The following FRMPD3 variants were observed in gnomAD, a reference collection of about 807,000 sequenced individuals.
The protein encoded by FRMPD3 is FERM and PDZ domain containing 3.
A neutral mutation model predicts 97.9 loss-of-function variants in FRMPD3; 42 were observed. The observed-to-expected ratio is 0.43, with a 90% CI of 0.34 to 0.55. FRMPD3 has a LOEUF of 0.55. FRMPD3 is among the 20% of genes least tolerant of loss of function. The pLI, the probability that FRMPD3 is intolerant of heterozygous loss-of-function variation, is 0.03. For synonymous variants in FRMPD3, 577 were observed against 581.1 expected, an observed-to-expected ratio of 0.99 and a Z score of 0.10; for missense variants, 1,303 against 1,457.7, an observed-to-expected ratio of 0.89 and a Z score of 1.73.
At chrX:107,474,975 C>T (rs776522688) in intron 1 of FRMPD3, among the ~76,000 whole-genome samples, 16 of 111,558 alleles carry the variant, frequency 1.4e-4, no homozygotes, top group African/African-American at 3.9e-4. Context: ...AAGTGGAGAA[C>T]GGGTGTATAT....
At position 107,586,734 on chromosome X, in the gene FRMPD3, T is replaced by A. The variant is rs1236882732; in HGVS notation, c.1441+10275T>A. On this transcript the variant is annotated intron_variant, in intron 13 of 14. Coordinates refer to ENST00000683843, the MANE Select transcript of FRMPD3 (RefSeq NM_001388459.1). ...CAGGAGTCACTCAGGAGCAGGTTAT[T>A]CAATTTCCATGTAATTGTGCAGTTT... is the stretch of plus-strand genomic sequence containing the variant. Among the ~76,000 whole-genome samples the A allele has an allele frequency of 1.6e-4, 18 of 112,117 alleles. No individual in the cohort carries two copies. The Admixed American group carries it at 1.7e-3, about 11-fold the overall frequency.
chrX:107,475,474 A>G (rs1263190923), intron 1 of FRMPD3, among the ~76,000 whole-genome samples: 1 of 111,437 alleles, frequency 9.0e-6, no homozygotes, highest in Non-Finnish European at 1.9e-5. Flanking sequence ...TATTATTTCC[A>G]GGTGCCTAAA....
intron 1 of FRMPD3, among the ~76,000 whole-genome samples, chrX:107,492,412 A>G (rs1415759248): frequency 9.0e-6 from 1 of 111,565 alleles, no homozygotes; most frequent in East Asian, 2.8e-4. Flanking sequence ...GCATTTCCCA[A>G]ATTGGCTTTC....
intron 1 of FRMPD3, among the ~76,000 whole-genome samples, chrX:107,469,614 A>C (rs1457799114): frequency 4.4e-5 from 5 of 112,677 alleles, no homozygotes; most frequent in South Asian, 3.7e-4. Context: ...TGGACTTCCC[A>C]TGAGTAATAT....
intron 1 of FRMPD3, among the ~76,000 whole-genome samples, chrX:107,458,228 A>G (rs142393463): frequency 0.012 from 1,303 of 112,126 alleles, 5 homozygotes; most frequent in Non-Finnish European, 0.016. Context: ...GCCCTGTACT[A>G]ATGTTATGGT....
chrX:107,459,277 T>C (rs1441729800), intron 1 of FRMPD3, among the ~76,000 whole-genome samples: 1 of 112,511 alleles, frequency 8.9e-6, no homozygotes, highest in Non-Finnish European at 1.9e-5. Flanking sequence ...TGAGAGCTGG[T>C]AAGAGTGAGG....
At chrX:107,512,286 T>C (rs768694308) in intron 1 of FRMPD3, among the ~76,000 whole-genome samples, 32 of 111,337 alleles carry the variant, frequency 2.9e-4, no homozygotes, top group Non-Finnish European at 5.7e-4. Flanking sequence ...CAGAAGACTG[T>C]CATTACCATG....
At position 107,600,523 on chromosome X, in the gene FRMPD3, G is replaced by C; in HGVS notation, c.2484G>C (p.Thr828=). 8.3e-7 allele frequency: 1 copy of C among 1,210,688 alleles called. No individual in the cohort carries two copies. Among genetic ancestry groups the C allele is most frequent in the Non-Finnish European group, 1.1e-6 (1 of 895,348 alleles). The change falls in exon 15 of 15, where the codon ACG becomes ACC. Residue 828 remains threonine, a synonymous_variant. Coordinates refer to ENST00000683843, the MANE Select transcript of FRMPD3 (RefSeq NM_001388459.1). ...IQSCAAQAVL[T]APYSLGRPDP... is the part of the protein sequence containing the mutation. ...GCTGTGCAGCCCAGGCCGTTCTTAC[G>C]GCCCCTTACTCTCTTGGGCGCCCGG...
rs1345996348 is a variant in FRMPD3 at position 107,603,160 on chromosome X, T to C, written c.5121T>C (p.Ala1707=). The C allele has an allele frequency of 4.4e-6, 5 of 1,132,463 alleles. No homozygotes were observed. The Admixed American group carries it at 1.3e-4, about 30-fold the overall frequency. The allele number at this position is 1,132,463 out of a possible 1,213,427, so 93.3% of individuals were successfully genotyped here. A position where few individuals can be genotyped will look rare whatever the true frequency, so the allele number is the denominator to read the frequency against. The part of the protein sequence containing the change: ...VRNYTFLLRA[A]EESTARNLNQ... ...ACTACACCTTCCTGCTGCGTGCAGC[T>C]GAGGAGTCCACAGCCCGTAACCTTA... Residue 1707 remains alanine (A), a synonymous_variant, in exon 15 of 15, where the codon GCT becomes GCC. Transcript: ENST00000683843.
chrX:107,519,276 G>A (rs1025634426), intron 1 of FRMPD3, among the ~76,000 whole-genome samples: 5 of 111,874 alleles, frequency 4.5e-5, no homozygotes, highest in African/African-American at 1.6e-4. Context: ...TGGGTGGATT[G>A]CTTGAGCCCA....
intron 12 of FRMPD3, among the ~76,000 whole-genome samples, chrX:107,570,692 C>A (rs1374358094): frequency 9.0e-6 from 1 of 111,572 alleles, no homozygotes; most frequent in Non-Finnish European, 1.9e-5. Context: ...ATATACTGAT[C>A]CCTTGGGTCT....
At position 107,530,527 on chromosome X, in the gene FRMPD3, T is replaced by G; in HGVS notation, c.251+16T>G. On this transcript the variant is annotated intron_variant, in intron 3 of 14. Coordinates refer to ENST00000683843, the MANE Select transcript of FRMPD3 (RefSeq NM_001388459.1). ...AACTTATCAGGTAACAGGGGCCTTT[T>G]GGCAGGAACTGATCAGTATCCCCAC... is the stretch of plus-strand genomic sequence containing the variant. 2 of 1,082,015 alleles carry G rather than the reference T, an allele frequency of 1.8e-6. No individual in the cohort carries two copies. Among genetic ancestry groups the G allele is most frequent in the African/African-American group, 3.6e-5 (2 of 54,943 alleles). The allele number at this position is 1,082,015 out of a possible 1,213,427, so 89.2% of individuals were successfully genotyped here. A position where few individuals can be genotyped will look rare whatever the true frequency, so the allele number is the denominator to read the frequency against.
In FRMPD3 at chrX:107,555,541, G is replaced by A. The variant is rs374603617; in HGVS notation, c.762+1037G>A. On this transcript the variant is annotated intron_variant, in intron 8 of 14. Transcript: ENST00000683843. ...TCTGTGTTTTAACAAGCCTTCCAGG[G>A]GATTCCGATGCCCAAAAGACTTTGA... Among the ~76,000 whole-genome samples, 11 of 111,773 alleles carry A rather than the reference G, an allele frequency of 9.8e-5. No individual in the cohort carries two copies. In the East Asian group the frequency reaches 3.1e-3, roughly 31 times the overall value.
chrX:107,513,807 AAGCACTTAATTGT>A (rs1469446794), intron 1 of FRMPD3, among the ~76,000 whole-genome samples: 1 of 112,492 alleles, frequency 8.9e-6, no homozygotes, highest in East Asian at 2.8e-4. Context: ...AAAAAATACT[AAGCACTTAATTGT>A]GTGCCAGGTA....
intron 3 of FRMPD3, 138 bp from the exon 4 acceptor site, chrX:107,533,367 A>G (rs1368748286): frequency 2.1e-6 from 1 of 475,429 alleles, no homozygotes; most frequent in African/African-American, 2.4e-5. Flanking sequence ...TGAAGTGTCC[A>G]TGCAGACACT....
chrX:107,580,192 T>C (rs1442963602), intron 13 of FRMPD3, among the ~76,000 whole-genome samples: 1 of 112,246 alleles, frequency 8.9e-6, no homozygotes, highest in East Asian at 2.8e-4. Flanking sequence ...TTTGCAAGCA[T>C]TTTTTTCTAG....
At chrX:107,535,783 T>C (rs960425202) in intron 4 of FRMPD3, among the ~76,000 whole-genome samples, 6 of 110,656 alleles carry the variant, frequency 5.4e-5, no homozygotes, top group South Asian at 3.9e-4. Context: ...ATTTATCACA[T>C]GTGGGTTTAT....
rs775188752 is a variant in FRMPD3 at position 107,601,044 on chromosome X, G to C, written c.3005G>C (p.Ser1002Thr). ...CCAGAGGTTAGCATGATGAGCAGCA[G>C]TGCCAGTAAGAATCTGAAGTTCAAA... Reference protein sequence around the residue: ...GRPEVSMMSSSASKNLKFKIS... With the variant: ...GRPEVSMMSSTASKNLKFKIS... The change falls in exon 15 of 15, where the codon AGT (serine) becomes ACT (threonine). Residue 1002 changes from serine to threonine, a missense_variant. Transcript: ENST00000683843. 8.3e-6 allele frequency: 10 copies of C among 1,204,452 alleles called. No homozygotes were observed. Among genetic ancestry groups the C allele is most frequent in the Admixed American group, 2.2e-5 (1 of 45,238 alleles).
At chrX:107,457,156 G>A (rs750166868) in intron 1 of FRMPD3, among the ~76,000 whole-genome samples, 1 of 110,894 alleles carries the variant, frequency 9.0e-6, no homozygotes, top group South Asian at 3.9e-4. Flanking sequence ...AATGAGAGCA[G>A]CAGGTATCAT....
Sources: gnomAD v4.1 joint callset for allele counts (sites outside exome capture counted in the v4.1 genomes callset) on GRCh38, gnomAD v4.1.1 for gene constraint, MANE v1.5 for transcripts, NCBI Gene and HGNC (gene_info 2026-07-23, HGNC 2026-07-21) for gene names.